The following WDPCP variants were observed in gnomAD, a reference collection of about 807,000 sequenced individuals.
WDPCP encodes WD repeat-containing and planar cell polarity effector protein fritz homolog.
A neutral mutation model predicts 93.1 loss-of-function variants in WDPCP; 71 were observed. The ratio of observed to expected loss-of-function variants is 0.76; its 90% CI spans 0.63 to 0.93. The LOEUF (loss-of-function observed/expected upper bound fraction) is 0.93, where lower values mean the gene tolerates loss of function less well. Ranked by LOEUF, WDPCP falls within the 40% of genes least tolerant of loss-of-function variation. WDPCP has a pLI of 0.00. For synonymous variants in WDPCP, 315 were observed against 315.0 expected (o/e 1.00, Z 0.00); for missense variants, 844 against 887.4 (o/e 0.95, Z 0.62).
intron 13 of WDPCP, among the ~76,000 whole-genome samples, chr2:63,279,780 T>C (rs1485213286): frequency 6.6e-6 from 1 of 151,940 alleles, no homozygotes; most frequent in Non-Finnish European, 1.5e-5. Context: ...ACAAAATTAA[T>C]GCACACAAAT....
intron 3 of WDPCP, among the ~76,000 whole-genome samples, chr2:63,607,644 C>G (rs1709561710): frequency 6.7e-6 from 1 of 149,294 alleles, no homozygotes; most frequent in Non-Finnish European, 1.5e-5. Flanking sequence ...TCCTGGCTGA[C>G]GCGGTGAAAC....
At chr2:63,430,214 A>C (rs1696635382) in intron 9 of WDPCP, among the ~76,000 whole-genome samples, 1 of 152,160 alleles carries the variant, frequency 6.6e-6, no homozygotes, top group African/African-American at 2.4e-5. Flanking sequence ...AGTGGGGACT[A>C]ATAGTAGAGC....
intron 14 of WDPCP, chr2:63,229,197 T>A (rs1188219826): frequency 6.6e-6 from 1 of 152,186 alleles, no homozygotes; most frequent in East Asian, 1.9e-4. Flanking sequence ...TGATGAGCAT[T>A]TTTTCATGTG....
chr2:63,315,320 A>G (rs1476104819), intron 12 of WDPCP, among the ~76,000 whole-genome samples: 1 of 152,222 alleles, frequency 6.6e-6, no homozygotes, highest in Non-Finnish European at 1.5e-5. Flanking sequence ...AAGGCAAGTA[A>G]AAGAGCTAAA....
At chr2:63,742,745 A>G (rs2103858919) in intron 2 of WDPCP, among the ~76,000 whole-genome samples, 1 of 150,386 alleles carries the variant, frequency 6.6e-6, no homozygotes, top group South Asian at 2.1e-4. Flanking sequence ...ACACAATGCC[A>G]CAGACCATGA....
At chr2:63,133,424 C>G (rs969403128) in intron 17 of WDPCP, among the ~76,000 whole-genome samples, 1 of 152,120 alleles carries the variant, frequency 6.6e-6, no homozygotes, top group Non-Finnish European at 1.5e-5. Context: ...CAGCCTTGTT[C>G]GTTTTGGTTC....
chr2:63,484,139 G>C (rs752036938), intron 6 of WDPCP, among the ~76,000 whole-genome samples: 1 of 151,894 alleles, frequency 6.6e-6, no homozygotes, highest in Non-Finnish European at 1.5e-5. Flanking sequence ...CAGCTTACAG[G>C]GTTCAAAAAG....
intron 12 of WDPCP, among the ~76,000 whole-genome samples, chr2:63,359,065 C>T (rs1690241676): frequency 6.6e-6 from 1 of 152,078 alleles, no homozygotes; most frequent in Admixed American, 6.6e-5. Context: ...CTCTCTCTTT[C>T]CTTCCCTCCC....
Position 63,588,183 on chromosome 2 carries a change from G to C in WDPCP, c.75+14C>G, listed in dbSNP as rs544261053. The C allele has an allele frequency of 1.0e-5, 16 of 1,559,820 alleles. No homozygotes were observed. The highest frequency in any genetic ancestry group is 4.8e-5 in the East Asian group (2 of 41,270). The stretch of plus-strand genomic sequence containing the variant: ...GGTTAAAAGAAAACCCCTTGCCCTC[G>C]GGCCAGGGCTCACCTGTCTCGGGAG... On this transcript the variant is annotated intron_variant, in intron 1 of 17. Transcript: ENST00000272321.
chr2:63,272,460 C>T (rs1490608365), intron 13 of WDPCP, among the ~76,000 whole-genome samples: 1 of 152,160 alleles, frequency 6.6e-6, no homozygotes, highest in Admixed American at 6.6e-5. Context: ...AAACCTGACA[C>T]TGTCAAAAGA....
intron 9 of WDPCP, among the ~76,000 whole-genome samples, chr2:63,428,491 T>A (rs1429330075): frequency 3.3e-5 from 5 of 152,228 alleles, no homozygotes; most frequent in Admixed American, 3.3e-4. Context: ...AACCACATGA[T>A]TACCTCAATA....
chr2:63,802,939 G>C (rs570092681), intron 2 of WDPCP, among the ~76,000 whole-genome samples: 93 of 152,304 alleles, frequency 6.1e-4, no homozygotes, highest in African/African-American at 2.0e-3. Context: ...TGTTCAAGGA[G>C]TGAACCCTTT....
chr2:63,228,409 T>A (rs1184805523), intron 14 of WDPCP: 2 of 145,510 alleles, frequency 1.4e-5, no homozygotes, highest in African/African-American at 5.1e-5. Flanking sequence ...TTTTTTTGAA[T>A]TTTTTGATTG....
intron 10 of WDPCP, among the ~76,000 whole-genome samples, chr2:63,403,429 T>TTA (rs397742449): frequency 6.6e-6 from 1 of 151,344 alleles, no homozygotes; most frequent in East Asian, 1.9e-4. Flanking sequence ...ACATAAAAGT[T>TTA]AAAAAAAATT....
chr2:63,396,589 A>T (rs536816495), intron 10 of WDPCP, among the ~76,000 whole-genome samples: 1 of 152,258 alleles, frequency 6.6e-6, no homozygotes, highest in East Asian at 1.9e-4. Context: ...AAGCTACACT[A>T]GTGCAACTCA....
intron 2 of WDPCP, among the ~76,000 whole-genome samples, chr2:63,791,851 G>A (rs1234033256): frequency 2.0e-5 from 3 of 152,116 alleles, no homozygotes; most frequent in Admixed American, 6.6e-5. Context: ...CAAAAATGAG[G>A]ATAATGATTC....
chr2:63,819,415 T>C (rs2104119527), intron 1 of WDPCP, among the ~76,000 whole-genome samples: 1 of 151,836 alleles, frequency 6.6e-6, no homozygotes, highest in East Asian at 1.9e-4. Context: ...CGTTTACAGG[T>C]CAGGTGGCTT....
intron 1 of WDPCP, among the ~76,000 whole-genome samples, chr2:63,553,083 G>C (rs1037112424): frequency 6.6e-6 from 1 of 152,200 alleles, no homozygotes; most frequent in Admixed American, 6.5e-5. Flanking sequence ...GACACTTGGG[G>C]AAAGCAACAG....
intron 6 of WDPCP, among the ~76,000 whole-genome samples, chr2:63,456,726 G>T (rs545038862): frequency 5.9e-5 from 9 of 152,118 alleles, no homozygotes; most frequent in Non-Finnish European, 1.3e-4. Flanking sequence ...ATGAAAAGTT[G>T]GTTCTTCAGG....
Sources: allele counts gnomAD v4.1 joint callset (sites outside exome capture counted in the v4.1 genomes callset), GRCh38; gene constraint gnomAD v4.1.1; transcripts MANE v1.5; gene names NCBI Gene and HGNC (gene_info 2026-07-23, HGNC 2026-07-21).